Variants in AFAP1 observed in about 807,000 individuals in gnomAD.
The protein encoded by AFAP1 is actin filament associated protein 1, also known as actin filament-associated protein 1.
Under a neutral mutation model 93.9 loss-of-function variants are expected in AFAP1, and 75 were observed. The observed-to-expected ratio is 0.80, with a 90% confidence interval of 0.66 to 0.97. The LOEUF is 0.97. AFAP1 is among the 50% of genes least tolerant of loss of function. The pLI is 0.00. For synonymous variants in AFAP1, 517 were observed against 430.7 expected, an observed-to-expected ratio of 1.20 and a Z score of -2.48; for missense variants, 1,201 against 1,050.8, an observed-to-expected ratio of 1.14 and a Z score of -1.98.
chr4:7,817,670 T>C lies in AFAP1; in HGVS notation c.822+1406A>G, dbSNP rs111854576. On this transcript the variant is annotated intron_variant, in intron 7 of 17. Transcript: ENST00000420658. Reference sequence around the variant, plus strand: ...AGTTACATAAGTGATAATGGAGTCATACAAATTTGACATTAAGCTAATGAA... The same window carrying C: ...AGTTACATAAGTGATAATGGAGTCACACAAATTTGACATTAAGCTAATGAA... 7.3e-3 allele frequency among the ~76,000 whole-genome samples: 1,108 copies of C among 151,482 alleles called. 12 individuals are homozygous for C. The highest frequency in any genetic ancestry group is 0.026 in the African/African-American group (1,064 of 41,202).
chr4:7,915,475 T>C (rs534081663), intron 1 of AFAP1, among the ~76,000 whole-genome samples: 66 of 95,750 alleles, frequency 6.9e-4, no homozygotes, highest in Admixed American at 1.1e-3. Flanking sequence ...CAAAACCCCA[T>C]CTAAAAAAAA....
chr4:7,919,272 C>A (rs1577359625), intron 1 of AFAP1, among the ~76,000 whole-genome samples: 2 of 152,362 alleles, frequency 1.3e-5, no homozygotes, highest in South Asian at 4.1e-4. Flanking sequence ...CGAAGCCTGG[C>A]TAGCAAATGC....
chr4:7,930,861 G>A (rs1721027398), intron 1 of AFAP1, among the ~76,000 whole-genome samples: 1 of 151,954 alleles, frequency 6.6e-6, no homozygotes, highest in African/African-American at 2.4e-5. Context: ...AGCAATTCTT[G>A]TGCCTCACCC....
At position 7,843,305 on chromosome 4, in the gene AFAP1, T is replaced by C; in HGVS notation, c.380A>G (p.Glu127Gly). 1 of 1,614,062 alleles carries C rather than the reference T, an allele frequency of 6.2e-7. No individual in the cohort carries two copies. The highest frequency in any genetic ancestry group is 8.5e-7 in the Non-Finnish European group (1 of 1,179,996). Residue 127 changes from glutamate to glycine, a missense_variant, in exon 5 of 18, where the codon GAA becomes GGA. Transcript: ENST00000420658. ...AMSSSYESYD[E>G]EEEDGKGKKT... ...CTTCCCCTTCCCATCCTCCTCCTCT[T>C]CATCATACGACTCATAAGAGCTGCT...
intron 4 of AFAP1, among the ~76,000 whole-genome samples, chr4:7,848,090 G>GGGAAGGAAAGAA (rs1713951927): frequency 2.3e-5 from 2 of 88,444 alleles, no homozygotes; most frequent in African/African-American, 6.2e-5. Context: ...GAAGGAGGGA[G>GGGAAGGAAAGAA]GGAAGGAAAG....
At chr4:7,909,109 C>T (rs1719586043) in intron 1 of AFAP1, among the ~76,000 whole-genome samples, 1 of 152,166 alleles carries the variant, frequency 6.6e-6, no homozygotes, top group Non-Finnish European at 1.5e-5. Flanking sequence ...AATTCATTAG[C>T]TCTTAATATT....
At chr4:7,786,342 A>G in intron 11 of AFAP1, 31 bp from the exon 12 acceptor site, 1 of 1,564,524 alleles carries the variant, frequency 6.4e-7, no homozygotes, top group Non-Finnish European at 8.8e-7. Flanking sequence ...TAAAATCCAT[A>G]ACCTGACCAC....
At chr4:7,813,584 C>A (rs1456420118) in intron 8 of AFAP1, among the ~76,000 whole-genome samples, 1 of 152,204 alleles carries the variant, frequency 6.6e-6, no homozygotes, top group Non-Finnish European at 1.5e-5. Context: ...GCCTCAACTT[C>A]TAAGCAGGAA....
In AFAP1 at chr4:7,939,596, C is replaced by A. The variant is rs1721616397; in HGVS notation, c.-3+60G>T. ...TGCGGAGCCCCGCTCGGAGCTTCCA[C>A]GCCCGGGGCAGAGACCCCCGCCGGG... is the stretch of plus-strand genomic sequence containing the variant. On this transcript the variant is annotated intron_variant, in intron 1 of 17. Coordinates refer to ENST00000420658, the MANE Select transcript of AFAP1 (RefSeq NM_001134647.2). This position sits in a 1 kb window ranked among gnomAD's most constrained non-coding sequence, Gnocchi z 5.6. 2 of 400,436 alleles carry A rather than the reference C, an allele frequency of 5.0e-6. No homozygotes were observed. The highest frequency in any genetic ancestry group is 2.2e-5 in the African/African-American group (1 of 45,236). 24.8% of individuals were successfully genotyped at this position (400,436 alleles called of 1,614,324 possible).
chr4:7,818,933 G>C, intron 7 of AFAP1, 143 bp downstream of exon 7: 1 of 717,978 alleles, frequency 1.4e-6, no homozygotes, highest in Non-Finnish European at 2.2e-6. Flanking sequence ...AAAGCAGGCA[G>C]TTAAAAAGAT....
intron 9 of AFAP1, among the ~76,000 whole-genome samples, chr4:7,801,940 A>AAAAAAAAAAAAAAAAAT (rs1719082819): frequency 7.0e-6 from 1 of 141,914 alleles, no homozygotes; most frequent in Non-Finnish European, 1.6e-5. Context: ...AAAAAAAAAA[A>AAAAAAAAAAAAAAAAAT]AACTAATCAA....
Position 7,868,540 on chromosome 4 carries a change from G to C in AFAP1, c.225+82C>G. 8.3e-6 allele frequency: 10 copies of C among 1,209,556 alleles called. No individual in the cohort carries two copies. The East Asian group carries it at 2.4e-4, about 30-fold the overall frequency. 74.9% of individuals were successfully genotyped at this position (1,209,556 alleles called of 1,614,324 possible). On this transcript the variant is annotated intron_variant, in intron 3 of 17. Coordinates refer to ENST00000420658, the MANE Select transcript of AFAP1 (RefSeq NM_001134647.2). ...TAAGGGCTCCATTCTTCCACACCGG[G>C]CTTCCATCACAGGCCCCTGGAGCCC...
chr4:7,780,363 T>C (rs1353134105), intron 13 of AFAP1, among the ~76,000 whole-genome samples: 1 of 152,270 alleles, frequency 6.6e-6, no homozygotes, highest in Admixed American at 6.5e-5. Flanking sequence ...AAGTCACTAC[T>C]ATCTATAATT....
intron 14 of AFAP1, chr4:7,777,076 A>G (rs1271522419): frequency 6.6e-6 from 1 of 152,242 alleles, no homozygotes; most frequent in East Asian, 1.9e-4. Flanking sequence ...AAGTCAGCAC[A>G]GGTACTGACA....
chr4:7,873,680 C>T (rs1304749149), intron 1 of AFAP1, among the ~76,000 whole-genome samples: 1 of 152,064 alleles, frequency 6.6e-6, no homozygotes, highest in Non-Finnish European at 1.5e-5. Context: ...CATTGAATGA[C>T]ATGGGAAGCA....
chr4:7,884,321 T>G (rs1024529599), intron 1 of AFAP1, among the ~76,000 whole-genome samples: 1 of 152,218 alleles, frequency 6.6e-6, no homozygotes, highest in Non-Finnish European at 1.5e-5. Flanking sequence ...CAATGCAAGA[T>G]AGGCCTAACC....
chr4:7,928,120 C>G (rs1424760614), intron 1 of AFAP1, among the ~76,000 whole-genome samples: 1 of 152,158 alleles, frequency 6.6e-6, no homozygotes, highest in Non-Finnish European at 1.5e-5. Context: ...GCCCAGTGTT[C>G]CTCACGTAAT....
chr4:7,877,943 T>A (rs773242516), intron 1 of AFAP1, among the ~76,000 whole-genome samples: 1 of 152,150 alleles, frequency 6.6e-6, no homozygotes, highest in African/African-American at 2.4e-5. Flanking sequence ...CTGGTGCATC[T>A]CTGTATCTCT....
intron 1 of AFAP1, among the ~76,000 whole-genome samples, chr4:7,935,301 A>T (rs1172832396): frequency 6.6e-6 from 1 of 152,356 alleles, no homozygotes; most frequent in East Asian, 1.9e-4. Flanking sequence ...AGGGAACTGA[A>T]GTTCAGAAAA....
Sources: allele counts gnomAD v4.1 joint callset (sites outside exome capture counted in the v4.1 genomes callset), GRCh38; gene constraint gnomAD v4.1.1; non-coding constraint Gnocchi (gnomAD v3.1); transcripts MANE v1.5; gene names NCBI Gene and HGNC (gene_info 2026-07-23, HGNC 2026-07-21).